CTBP2: variants seen among roughly 807,000 people sequenced by gnomAD.
The protein encoded by CTBP2 is C-terminal-binding protein 2.
CTBP2 carries 30 observed loss-of-function variants against 80.3 expected under a neutral mutation model. The observed-to-expected ratio is 0.37, with a 90% CI of 0.28 to 0.51. CTBP2 has a LOEUF of 0.51. Among genes scored for constraint, CTBP2 ranks in the 20% least tolerant of loss-of-function variants. The pLI is 0.93. For missense variants in CTBP2, 1,212 were observed against 1,375.3 expected (o/e 0.88, Z 1.88); for synonymous variants, 594 against 587.4 (o/e 1.01, Z -0.16).
At chr10:125,106,413 G>A (rs1851467166) in intron 2 of CTBP2, among the ~76,000 whole-genome samples, 1 of 152,214 alleles carries the variant, frequency 6.6e-6, no homozygotes, top group African/African-American at 2.4e-5. Flanking sequence ...GGGACGCGGG[G>A]CGACCTGAGT....
upstream of CTBP2, among the ~76,000 whole-genome samples, chr10:125,161,471 GC>G (rs1398300256): frequency 6.6e-6 from 1 of 152,006 alleles, no homozygotes; most frequent in Non-Finnish European, 1.5e-5. Context: ...GCGCCAACCA[GC>G]CCCCTTCCCG....
chr10:125,057,239 T>A (rs1427131635), intron 2 of CTBP2, among the ~76,000 whole-genome samples: 1 of 152,126 alleles, frequency 6.6e-6, no homozygotes, highest in East Asian at 1.9e-4. Context: ...ATGACACTTG[T>A]AAGAAAAAAC....
At position 125,038,983 on chromosome 10, in the gene CTBP2, A is replaced by C; in HGVS notation, c.58+14T>G. On this transcript the variant is annotated intron_variant, in intron 3 of 10. Transcript: ENST00000337195. Reference sequence around the variant, plus strand: ...CTACGTATGTTTGGTAAAAACCGCCAAACACGCTCTTACCTTCACAAATTC... The same window carrying C: ...CTACGTATGTTTGGTAAAAACCGCCCAACACGCTCTTACCTTCACAAATTC... 2.5e-6 allele frequency: 4 copies of C among 1,612,764 alleles called. No individual in the cohort carries two copies. Among genetic ancestry groups the C allele is most frequent in the Non-Finnish European group, 3.4e-6 (4 of 1,179,382 alleles).
At chr10:125,145,958 T>G (rs576121561) in intron 1 of CTBP2, among the ~76,000 whole-genome samples, 2 of 152,136 alleles carry the variant, frequency 1.3e-5, no homozygotes, top group East Asian at 3.9e-4. Flanking sequence ...AGTTTTGCTT[T>G]TGTTGCCCAC....
At chr10:125,050,945 G>A (rs947606609) in intron 2 of CTBP2, among the ~76,000 whole-genome samples, 1 of 152,208 alleles carries the variant, frequency 6.6e-6, no homozygotes, top group Non-Finnish European at 1.5e-5. Context: ...GGAGACATCT[G>A]GATGAGGAGG....
At chr10:125,155,271 A>G (rs999225418) in intron 1 of CTBP2, among the ~76,000 whole-genome samples, 3 of 152,226 alleles carry the variant, frequency 2.0e-5, no homozygotes, top group African/African-American at 7.2e-5. Context: ...CAGCTCCTGA[A>G]GTTTCTGTGT....
At chr10:125,046,606 A>C (rs533944533) in intron 2 of CTBP2, among the ~76,000 whole-genome samples, 2 of 151,480 alleles carry the variant, frequency 1.3e-5, no homozygotes, top group Admixed American at 6.6e-5. Context: ...TGTTCTGTCC[A>C]TCTAACTCCC....
At chr10:125,051,485 C>T (rs1479471041) in intron 2 of CTBP2, among the ~76,000 whole-genome samples, 1 of 152,050 alleles carries the variant, frequency 6.6e-6, no homozygotes, top group Non-Finnish European at 1.5e-5. Flanking sequence ...ACTAAAAATA[C>T]AAAAATTAGC....
chr10:125,127,472 T>C (rs956109839), intron 1 of CTBP2, among the ~76,000 whole-genome samples: 8 of 152,226 alleles, frequency 5.3e-5, no homozygotes, highest in African/African-American at 1.9e-4. Context: ...AAAGCCCAGC[T>C]GAGATCAATA....
chr10:125,047,520 G>C (rs1482789057), intron 2 of CTBP2, among the ~76,000 whole-genome samples: 1 of 152,166 alleles, frequency 6.6e-6, no homozygotes, highest in African/African-American at 2.4e-5. Context: ...TGTCCAGCAT[G>C]GTGTAAAAGC....
chr10:125,078,279 C>CAAAAA (rs1214515506), intron 2 of CTBP2, among the ~76,000 whole-genome samples: 6 of 80,126 alleles, frequency 7.5e-5, no homozygotes, highest in Non-Finnish European at 1.1e-4. Context: ...GACTCCGTCT[C>CAAAAA]AAAAAAAAAA....
intron 2 of CTBP2, among the ~76,000 whole-genome samples, chr10:125,106,784 C>T (rs975835167): frequency 6.6e-6 from 1 of 152,244 alleles, no homozygotes; most frequent in Admixed American, 6.5e-5. Context: ...TGGTCTCTTC[C>T]TCCCTACTTT....
chr10:125,048,031 T>C (rs1186645682), intron 2 of CTBP2, among the ~76,000 whole-genome samples: 2 of 152,166 alleles, frequency 1.3e-5, no homozygotes, highest in South Asian at 2.1e-4. Context: ...CTACTGTCCT[T>C]AGGGGAACCC....
chr10:125,031,488 C>CAAAAAAAAAAA (rs11463934), upstream of CTBP2, among the ~76,000 whole-genome samples: 6 of 33,696 alleles, frequency 1.8e-4, no homozygotes, highest in African/African-American at 6.0e-4. Flanking sequence ...GACTCCATTT[C>CAAAAAAAAAAA]AAAAAAAAAA....
chr10:125,075,301 C>T (rs1477441670), intron 2 of CTBP2, among the ~76,000 whole-genome samples: 1 of 152,142 alleles, frequency 6.6e-6, no homozygotes, highest in Non-Finnish European at 1.5e-5. Flanking sequence ...ACTTAATCCC[C>T]CATCATTCTG....
chr10:124,992,209 C>CT (rs61400691), intron 8 of CTBP2, among the ~76,000 whole-genome samples: 7,799 of 102,480 alleles, frequency 0.076, 692 homozygotes, highest in Admixed American at 0.13. Flanking sequence ...TTGAGAAGCC[C>CT]TTTTTTTTTT....
chr10:125,154,547 G>A (rs1041650175), intron 1 of CTBP2, among the ~76,000 whole-genome samples: 2 of 152,342 alleles, frequency 1.3e-5, no homozygotes, highest in African/African-American at 4.8e-5. Context: ...GTTAAATTTA[G>A]TTAGGTAAAC....
chr10:125,001,009 T>C (rs955241491), intron 3 of CTBP2: 1 of 152,266 alleles, frequency 6.6e-6, no homozygotes, highest in African/African-American at 2.4e-5. Context: ...ACAGCCCTTC[T>C]ACATTTTCCA....
rs999835679 is a variant in CTBP2 at position 124,986,948 on chromosome 10, T to C, written c.*2570A>G. The C allele has an allele frequency of 1.9e-4, 29 of 152,240 alleles. No homozygotes were observed. Among genetic ancestry groups the C allele is most frequent in the African/African-American group, 6.0e-4 (25 of 41,538 alleles). The allele number at this position is 152,240 out of a possible 1,614,324, so 9.4% of individuals were successfully genotyped here. On this transcript the variant is annotated 3_prime_UTR_variant, in exon 9 of 9. Coordinates refer to ENST00000309035, the MANE Select transcript of CTBP2 (RefSeq NM_022802.3). ...GTGTGTTGTGGTCTGGTGAGTGTTG[T>C]TTCCCCTGAGCGCTCTATTATTTAT...
Sources: allele counts gnomAD v4.1 joint callset (sites outside exome capture counted in the v4.1 genomes callset), GRCh38; gene constraint gnomAD v4.1.1; transcripts MANE v1.5; gene names NCBI Gene and HGNC (gene_info 2026-07-23, HGNC 2026-07-21).